STAG1: variants seen among roughly 807,000 people sequenced by gnomAD.
The protein encoded by STAG1 is cohesin subunit SA-1.
A neutral mutation model predicts 170.9 loss-of-function variants in STAG1; 26 were observed. That is an observed-to-expected ratio of 0.15 (90% confidence interval 0.11 to 0.21). The LOEUF (loss-of-function observed/expected upper bound fraction) is 0.21, where lower values mean the gene tolerates loss of function less well. Ranked by LOEUF, STAG1 falls within the 10% of genes least tolerant of loss-of-function variation. The pLI, the probability that STAG1 is intolerant of heterozygous loss-of-function variation, is 1.00. For synonymous variants in STAG1, 514 were observed against 497.7 expected (o/e 1.03, Z -0.44); for missense variants, 964 against 1,509.5 (o/e 0.64, Z 5.99).
intron 1 of STAG1, among the ~76,000 whole-genome samples, chr3:136,710,496 C>T (rs546734848): frequency 6.6e-6 from 1 of 152,204 alleles, no homozygotes; most frequent in South Asian, 2.1e-4. Flanking sequence ...CAGTATTAAG[C>T]CTACCCGGTA....
intron 3 of STAG1, among the ~76,000 whole-genome samples, chr3:136,609,889 T>C (rs1268814037): frequency 3.3e-5 from 5 of 152,084 alleles, no homozygotes; most frequent in African/African-American, 7.2e-5. Flanking sequence ...ATTCCATAGA[T>C]GGGGGTTACT....
rs1360093485 is a variant in STAG1, at chr3:136,359,281, C to T, written c.2803G>A (p.Val935Ile). 6.3e-7 allele frequency: 1 copy of T among 1,583,024 alleles called. No homozygotes were observed. Among genetic ancestry groups the T allele is most frequent in the East Asian group, 2.3e-5 (1 of 44,432 alleles). ...TCTAGGTTGGGACCTTGCTCTTGAA[C>T]AAGTTCATTAAATAACTGATAGAAA... ...LSLQQLFNELVQEQGPNLDRT... is the reference protein window; with the variant it reads ...LSLQQLFNELIQEQGPNLDRT... The change falls in exon 27 of 34, where the codon GTT becomes ATT. Residue 935 changes from valine (V) to isoleucine (I), a missense_variant. Physicochemically the swap from Val to Ile is conservative, Grantham distance 29. Coordinates refer to ENST00000383202, the MANE Select transcript of STAG1 (RefSeq NM_005862.3).
intron 5 of STAG1, among the ~76,000 whole-genome samples, chr3:136,557,664 T>G (rs945904650): frequency 2.6e-5 from 4 of 152,160 alleles, no homozygotes; most frequent in African/African-American, 9.7e-5. Flanking sequence ...TGCCTCAGCC[T>G]CCTGAGTAGC....
intron 5 of STAG1, among the ~76,000 whole-genome samples, chr3:136,553,701 G>A (rs981553360): frequency 6.6e-6 from 1 of 152,236 alleles, no homozygotes; most frequent in Non-Finnish European, 1.5e-5. Context: ...TTGAACCCAG[G>A]AGGCAGAGAT....
intron 20 of STAG1, among the ~76,000 whole-genome samples, 189 bp downstream of exon 20, chr3:136,420,904 C>T (rs923292748): frequency 6.6e-6 from 1 of 152,182 alleles, no homozygotes; most frequent in African/African-American, 2.4e-5. Flanking sequence ...CTGCCTCAGC[C>T]TCCTGAGTAG....
chr3:136,494,968 A>G (rs902370984), intron 9 of STAG1, among the ~76,000 whole-genome samples: 3 of 152,172 alleles, frequency 2.0e-5, no homozygotes, highest in South Asian at 4.1e-4. Flanking sequence ...TGACAAGCTG[A>G]CCCTAAGATT....
intron 6 of STAG1, among the ~76,000 whole-genome samples, chr3:136,523,647 T>A (rs1934818786): frequency 6.6e-6 from 1 of 152,224 alleles, no homozygotes; most frequent in Non-Finnish European, 1.5e-5. Context: ...TCTTTTGGTG[T>A]TTTAGACGTG....
At chr3:136,433,799 TA>T (rs2088378915) in intron 15 of STAG1, 140 bp from the exon 16 acceptor site, 3 of 614,466 alleles carry the variant, frequency 4.9e-6, no homozygotes, top group Non-Finnish European at 5.5e-6. Flanking sequence ...TGTACTTTGC[TA>T]TTTTTTTTTT....
At chr3:136,439,532 A>G (rs904096922) in intron 15 of STAG1, among the ~76,000 whole-genome samples, 11 of 151,886 alleles carry the variant, frequency 7.2e-5, no homozygotes, top group Non-Finnish European at 1.3e-4. Context: ...ATTTAGTCCT[A>G]CATCTCCAAC....
chr3:136,338,384 T>A lies in STAG1; in HGVS notation c.3739A>T (p.Ile1247Leu). 1 of 1,613,592 alleles carries A rather than the reference T, an allele frequency of 6.2e-7. No homozygotes were observed. The highest frequency in any genetic ancestry group is 8.5e-7 in the Non-Finnish European group (1 of 1,179,504). Residue 1247 changes from isoleucine to leucine, a missense_variant, in exon 33 of 34, where the codon ATA (isoleucine) becomes TTA (leucine). Ile to Leu is a conservative substitution (Grantham distance 5). Coordinates refer to ENST00000383202, the MANE Select transcript of STAG1 (RefSeq NM_005862.3). ...RPDFFDSAAI[I>L]EDDSGFGMPM... is the part of the protein sequence containing the mutation. ...TTGACATTTACTGAATCATCTTCTA[T>A]GATAGCTGCAGAGTCAAAGAAGTCT...
At chr3:136,345,148 G>C (rs137927688) in intron 29 of STAG1, among the ~76,000 whole-genome samples, 1 of 152,164 alleles carries the variant, frequency 6.6e-6, no homozygotes, top group East Asian at 1.9e-4. Context: ...GTAGTACAGT[G>C]GCACGATCTT....
At chr3:136,462,532 T>G (rs2089303233) in intron 13 of STAG1, among the ~76,000 whole-genome samples, 1 of 151,978 alleles carries the variant, frequency 6.6e-6, no homozygotes, top group Non-Finnish European at 1.5e-5. Context: ...TACCAGAGGG[T>G]GGAATAAAGA....
At chr3:136,351,662 G>A (rs1026647940) in intron 28 of STAG1, among the ~76,000 whole-genome samples, 4 of 152,140 alleles carry the variant, frequency 2.6e-5, no homozygotes, top group African/African-American at 4.8e-5. Flanking sequence ...GCAACTCCTA[G>A]GAAGCCAGGC....
chr3:136,446,719 G>C (rs571002895), intron 14 of STAG1, among the ~76,000 whole-genome samples: 11 of 151,498 alleles, frequency 7.3e-5, no homozygotes, highest in African/African-American at 2.4e-4. Flanking sequence ...CACAGTGCCT[G>C]GCCTCCCTTG....
At chr3:136,422,359 A>C (rs1242374472) in intron 19 of STAG1, 51 bp downstream of exon 19, 3 of 1,519,116 alleles carry the variant, frequency 2.0e-6, no homozygotes, top group Non-Finnish European at 2.7e-6. Flanking sequence ...AGCTATCTTA[A>C]GTAATTCTCA....
At chr3:136,551,147 C>T (rs1360105076) in intron 5 of STAG1, among the ~76,000 whole-genome samples, 1 of 135,664 alleles carries the variant, frequency 7.4e-6, no homozygotes, top group African/African-American at 2.7e-5. Context: ...TAGGTATCTA[C>T]ATAAATTTTT....
chr3:136,486,722 A>G (rs953173496), intron 9 of STAG1, among the ~76,000 whole-genome samples: 19 of 152,278 alleles, frequency 1.2e-4, no homozygotes, highest in African/African-American at 3.4e-4. Context: ...TCATTCTTCC[A>G]TCTAACTCTT....
chr3:136,458,823 G>T (rs1041673517), intron 13 of STAG1, among the ~76,000 whole-genome samples: 5 of 152,110 alleles, frequency 3.3e-5, no homozygotes, highest in Non-Finnish European at 5.9e-5. Context: ...TGAAAGTGAA[G>T]GTATGGAAAA....
chr3:136,714,230 G>T (rs79080838), intron 1 of STAG1, among the ~76,000 whole-genome samples: 3 of 152,166 alleles, frequency 2.0e-5, no homozygotes, highest in Admixed American at 6.5e-5. Flanking sequence ...TCATCTATGT[G>T]AAGCTCAAAA....
Sources: allele counts gnomAD v4.1 joint callset (sites outside exome capture counted in the v4.1 genomes callset), GRCh38; gene constraint gnomAD v4.1.1; transcripts MANE v1.5; gene names NCBI Gene and HGNC (gene_info 2026-07-23, HGNC 2026-07-21).